The following SCYL2 variants were observed in gnomAD, a reference collection of about 807,000 sequenced individuals.
The protein encoded by SCYL2 is SCY1-like protein 2.
A neutral mutation model predicts 100.4 loss-of-function variants in SCYL2; 36 were observed. The observed-to-expected ratio is 0.36, with a 90% CI of 0.27 to 0.47. The LOEUF (loss-of-function observed/expected upper bound fraction) is 0.47. Ranked by LOEUF, SCYL2 falls within the 20% of genes least tolerant of loss-of-function variation. The probability of loss-of-function intolerance (pLI) is 1.00; values close to 1 mark genes in which losing one functional copy is unlikely to be tolerated. For synonymous variants in SCYL2, 330 were observed against 359.2 expected (o/e 0.92, Z 0.92); for missense variants, 902 against 1,083.9 (o/e 0.83, Z 2.36).
At chr12:100,319,683 C>A in intron 10 of SCYL2, among the ~76,000 whole-genome samples, 1 of 152,020 alleles carries the variant, frequency 6.6e-6, no homozygotes, top group East Asian at 1.9e-4. Flanking sequence ...CCATGCCTGG[C>A]TAATTTTTTT....
In SCYL2 at chr12:100,337,417, T is replaced by C. The variant is rs765932155; in HGVS notation, c.2056T>C (p.Leu686=). The change falls in exon 17 of 18, where the codon TTA becomes CTA. Residue 686 remains leucine, a synonymous_variant. Coordinates refer to ENST00000360820, the MANE Select transcript of SCYL2 (RefSeq NM_017988.6). Reference sequence around the variant, plus strand: ...ACTTACACTTGAAGAAAAACAAAAATTAGCAAAAGAACAAGAGCAGGCACA... The same window carrying C: ...ACTTACACTTGAAGAAAAACAAAAACTAGCAAAAGAACAAGAGCAGGCACA... ...ASLTLEEKQK[L]AKEQEQAQKL... 1.9e-6 allele frequency: 3 copies of C among 1,601,288 alleles called. No individual in the cohort carries two copies. The highest frequency in any genetic ancestry group is 1.1e-5 in the South Asian group (1 of 87,782).
intron 1 of SCYL2, among the ~76,000 whole-genome samples, chr12:100,271,469 T>C (rs1348118708): frequency 6.6e-6 from 1 of 152,220 alleles, no homozygotes; most frequent in South Asian, 2.1e-4. Context: ...TGAATAACTA[T>C]AAATGATGAT....
intron 2 of SCYL2, among the ~76,000 whole-genome samples, chr12:100,289,361 C>T (rs1002163024): frequency 5.3e-5 from 8 of 152,174 alleles, no homozygotes; most frequent in African/African-American, 1.9e-4. Flanking sequence ...TGTGGACTAA[C>T]TGTTTGAAAC....
chr12:100,320,897 CTTAA>C lies in SCYL2; in HGVS notation c.1396-2613_1396-2610del, dbSNP rs59131617. ...CCATTCTCTTCTCCCATCTGTGGTC[CTTAA>C]TTAATTAATTAATTTATATATTTTT... On this transcript the variant is annotated intron_variant, in intron 10 of 17. Transcript: ENST00000360820. 5.6e-3 allele frequency among the ~76,000 whole-genome samples: 860 copies of C among 152,214 alleles called. 7 individuals carry two copies. Among genetic ancestry groups the C allele is most frequent in the African/African-American group, 0.02 (814 of 41,532 alleles).
intron 1 of SCYL2, among the ~76,000 whole-genome samples, chr12:100,275,211 CTTT>C (rs1340594747): frequency 7.0e-6 from 1 of 143,284 alleles, no homozygotes; most frequent in African/African-American, 2.6e-5. Flanking sequence ...TTTTTTTTTT[CTTT>C]TTTTTGAGAC....
At chr12:100,270,088 G>A (rs926173253) in intron 1 of SCYL2, among the ~76,000 whole-genome samples, 1 of 151,476 alleles carries the variant, frequency 6.6e-6, no homozygotes, top group Non-Finnish European at 1.5e-5. Flanking sequence ...CCAGGTTCAC[G>A]CCATTCTCCT....
chr12:100,273,023 T>C (rs1376485027), intron 1 of SCYL2, among the ~76,000 whole-genome samples: 4 of 152,190 alleles, frequency 2.6e-5, no homozygotes, highest in African/African-American at 9.7e-5. Flanking sequence ...ATCCCTGAAT[T>C]GCATATTGAA....
chr12:100,291,903 C>T lies in SCYL2; in HGVS notation c.335+243C>T, dbSNP rs117050402. 3,142 of 417,976 alleles carry T rather than the reference C, an allele frequency of 7.5e-3. 15 individuals carry two copies. The highest frequency in any genetic ancestry group is 0.027 in the Middle Eastern group (43 of 1,574). The allele number at this position is 417,976 out of a possible 1,614,324, so 25.9% of individuals were successfully genotyped here. Reference sequence around the variant, plus strand: ...TGTACTTCAGTGGCTACCCTGTGCTCATGACTACAATAGTCAAAATAGAAC... The same window carrying T: ...TGTACTTCAGTGGCTACCCTGTGCTTATGACTACAATAGTCAAAATAGAAC... On this transcript the variant is annotated intron_variant, in intron 3 of 17. Coordinates refer to ENST00000360820, the MANE Select transcript of SCYL2 (RefSeq NM_017988.6).
At chr12:100,295,364 T>G (rs529357171) in intron 3 of SCYL2, among the ~76,000 whole-genome samples, 1 of 152,128 alleles carries the variant, frequency 6.6e-6, no homozygotes, top group African/African-American at 2.4e-5. Flanking sequence ...AGGTAGAGGT[T>G]GTAGCGAGCC....
At chr12:100,328,147 A>G (rs1952160301) in intron 12 of SCYL2, among the ~76,000 whole-genome samples, 4 of 152,098 alleles carry the variant, frequency 2.6e-5, no homozygotes, top group Admixed American at 2.6e-4. Flanking sequence ...GTGTGGTAGC[A>G]TGCGCCTGTA....
At chr12:100,332,560 T>C (rs1290951494) in intron 13 of SCYL2, among the ~76,000 whole-genome samples, 1 of 152,142 alleles carries the variant, frequency 6.6e-6, no homozygotes, top group Non-Finnish European at 1.5e-5. Flanking sequence ...ATCTGCTGAA[T>C]GATCCATTTA....
intron 4 of SCYL2, among the ~76,000 whole-genome samples, chr12:100,299,367 A>C (rs1279807895): frequency 6.6e-6 from 1 of 152,230 alleles, no homozygotes. Context: ...TATAATTGGC[A>C]TACAGTAAAC....
intron 2 of SCYL2, among the ~76,000 whole-genome samples, chr12:100,288,555 G>A (rs2096306958): frequency 6.6e-6 from 1 of 152,116 alleles, no homozygotes; most frequent in Non-Finnish European, 1.5e-5. Flanking sequence ...AACACCTTGA[G>A]CTGAGCACGG....
rs2096280316 is a variant in SCYL2 at position 100,267,671 on chromosome 12, G to A, written c.-150G>A. On this transcript the variant is annotated 5_prime_UTR_variant, in exon 1 of 18. Transcript: ENST00000360820. ...CCTCGAAAGAGGCCTTGAGGCGACG[G>A]GAGACCCGGGATCGAAGTCAGCTGC... 6.6e-6 allele frequency: 1 copy of A among 152,410 alleles called. No individual in the cohort carries two copies. Among genetic ancestry groups the A allele is most frequent in the Admixed American group, 6.5e-5 (1 of 15,294 alleles). 9.4% of individuals were successfully genotyped at this position (152,410 alleles called of 1,614,324 possible). A position where few individuals can be genotyped will look rare whatever the true frequency, so the allele number is the denominator to read the frequency against.
At position 100,309,133 on chromosome 12, in the gene SCYL2, T is replaced by TGC. The variant is rs370498116; in HGVS notation, c.481-1903_481-1902dup. 9.4e-3 allele frequency among the ~76,000 whole-genome samples: 1,407 copies of TGC among 150,098 alleles called. 12 individuals are homozygous for TGC. The highest frequency in any genetic ancestry group is 0.01 in the Non-Finnish European group (702 of 67,718). On this transcript the variant is annotated intron_variant, in intron 4 of 17. Transcript: ENST00000360820. ...GTGTGTGTGTGTGTGTGTGTGTGTG[T>TGC]GCGCGCGCGTGTGTGCAGCTAGTTT...
intron 5 of SCYL2, among the ~76,000 whole-genome samples, chr12:100,312,216 C>T (rs749647227): frequency 1.1e-4 from 17 of 152,092 alleles, no homozygotes; most frequent in Admixed American, 2.6e-4. Flanking sequence ...ATTTGTCTTC[C>T]GGAAGAGACT....
chr12:100,281,636 A>G (rs1342328762), intron 1 of SCYL2, among the ~76,000 whole-genome samples: 1 of 152,190 alleles, frequency 6.6e-6, no homozygotes, highest in Admixed American at 6.5e-5. Context: ...GATCGAGACC[A>G]TCCTGGCTAA....
intron 3 of SCYL2, among the ~76,000 whole-genome samples, chr12:100,294,817 C>G (rs1474764649): frequency 6.7e-6 from 1 of 150,296 alleles, no homozygotes; most frequent in African/African-American, 2.5e-5. Flanking sequence ...ACCTCCCTCC[C>G]GGACGGGGTG....
At position 100,286,774 on chromosome 12, in the gene SCYL2, TAATTA is replaced by T; in HGVS notation, c.177+3633_177+3637del. Among the ~76,000 whole-genome samples, 4 of 151,842 alleles carry T rather than the reference TAATTA, an allele frequency of 2.6e-5. 1 individual carries two copies. The highest frequency in any genetic ancestry group is 2.6e-4 in the Admixed American group (4 of 15,268). The stretch of plus-strand genomic sequence containing the variant: ...TGCTAATATTGTATATACAAAAGCA[TAATTA>T]AATTATAATAAATAATTAAATTAGA... On this transcript the variant is annotated intron_variant, in intron 2 of 17. Coordinates refer to ENST00000360820, the MANE Select transcript of SCYL2 (RefSeq NM_017988.6).
Sources: allele counts gnomAD v4.1 joint callset (sites outside exome capture counted in the v4.1 genomes callset), GRCh38; gene constraint gnomAD v4.1.1; transcripts MANE v1.5; gene names NCBI Gene and HGNC (gene_info 2026-07-23, HGNC 2026-07-21).